MLN: variants seen among roughly 807,000 people sequenced by gnomAD.
MLN encodes motilin, also known as promotilin.
In MLN, 14 loss-of-function variants were observed where a neutral mutation model predicts 13.3. The observed-to-expected ratio is 1.05, with a 90% CI of 0.69 to 1.64. MLN has a LOEUF of 1.64. MLN is among the 40% of genes most tolerant of loss of function. The probability of loss-of-function intolerance (pLI) is 0.00; values close to 1 mark genes in which losing one functional copy is unlikely to be tolerated. For synonymous variants in MLN, 59 were observed against 54.7 expected (o/e 1.08, Z -0.34); for missense variants, 122 against 142.9 (o/e 0.85, Z 0.75).
intron 2 of MLN, 142 bp downstream of exon 2, chr6:33,800,905 T>G: frequency 1.5e-6 from 1 of 679,448 alleles, no homozygotes; most frequent in Non-Finnish European, 2.7e-6. Flanking sequence ...GTGATGCCAG[T>G]GAAGGCGTGA....
chr6:33,803,472 T>C lies in MLN; in HGVS notation c.-8+481A>G, dbSNP rs535632701. On this transcript the variant is annotated intron_variant, in intron 1 of 4. Coordinates refer to ENST00000430124, the MANE Select transcript of MLN (RefSeq NM_002418.3). This position sits in a 1 kb window ranked among gnomAD's most constrained non-coding sequence, Gnocchi z 4.5. ...ACAGGCATGTGCCACCTCGCATGGC[T>C]AATTTTTGTATTTTTAGTAGAGACA... Among the ~76,000 whole-genome samples the C allele has an allele frequency of 6.6e-6, 1 of 152,152 alleles. No homozygotes were observed. The highest frequency in any genetic ancestry group is 6.5e-5 in the Admixed American group (1 of 15,298).
Position 33,803,400 on chromosome 6 carries a change from C to T in MLN, c.-8+553G>A, listed in dbSNP as rs1485001707. ...TCGGCTCACTGCAACCTCTGCCTCC[C>T]AGGTTCAAGCGATTCTTCTGCCTCA... is the stretch of plus-strand genomic sequence containing the variant. On this transcript the variant is annotated intron_variant, in intron 1 of 4. Transcript: ENST00000430124. The surrounding 1 kb of genome is among the most constrained non-coding windows in gnomAD (Gnocchi z 4.5). Among the ~76,000 whole-genome samples the T allele has an allele frequency of 6.6e-6, 1 of 151,792 alleles. No individual in the cohort carries two copies. Among genetic ancestry groups the T allele is most frequent in the South Asian group, 2.1e-4 (1 of 4,794 alleles).
At chr6:33,798,073 G>T (rs1415464702) in intron 3 of MLN, among the ~76,000 whole-genome samples, 1 of 152,068 alleles carries the variant, frequency 6.6e-6, no homozygotes, top group Non-Finnish European at 1.5e-5. Context: ...CTCTCTTCTG[G>T]TCTTTGTGCT....
chr6:33,795,822 C>T (rs1222731191), intron 3 of MLN, among the ~76,000 whole-genome samples: 3 of 152,076 alleles, frequency 2.0e-5, no homozygotes, highest in Non-Finnish European at 4.4e-5. Context: ...GGGATCAATA[C>T]ACCTTCCATA....
At chr6:33,795,701 A>G in intron 3 of MLN, 96 bp from the exon 4 acceptor site, 7 of 1,005,456 alleles carry the variant, frequency 7.0e-6, no homozygotes, top group Non-Finnish European at 1.1e-5. Context: ...CTTGGGAGCC[A>G]CACCACCCTG....
In MLN at chr6:33,803,073, C is replaced by T. The variant is rs954048784; in HGVS notation, c.-8+880G>A. On this transcript the variant is annotated intron_variant, in intron 1 of 4. Coordinates refer to ENST00000430124, the MANE Select transcript of MLN (RefSeq NM_002418.3). The surrounding 1 kb of genome is among the most constrained non-coding windows in gnomAD (Gnocchi z 4.5). The stretch of plus-strand genomic sequence containing the variant: ...CAACTGGCAGTCGGCATGTCACCTA[C>T]GTTCATGTGTGTTCTGGTGAGCTGG... 2.0e-5 allele frequency among the ~76,000 whole-genome samples: 3 copies of T among 152,134 alleles called. No individual in the cohort carries two copies. The highest frequency in any genetic ancestry group is 2.9e-5 in the Non-Finnish European group (2 of 68,028).
intron 3 of MLN, among the ~76,000 whole-genome samples, chr6:33,796,054 G>C (rs1767912025): frequency 6.6e-6 from 1 of 151,200 alleles, no homozygotes; most frequent in Non-Finnish European, 1.5e-5. Context: ...CCGCCTCCCG[G>C]GTTCACGCCA....
chr6:33,797,064 G>A (rs372489325), intron 3 of MLN, among the ~76,000 whole-genome samples: 2 of 152,334 alleles, frequency 1.3e-5, no homozygotes, highest in East Asian at 3.9e-4. Flanking sequence ...CTCGCTGAGT[G>A]CAGAGTGCGG....
chr6:33,801,460 G>T (rs1422213400), intron 1 of MLN, among the ~76,000 whole-genome samples: 1 of 152,188 alleles, frequency 6.6e-6, no homozygotes, highest in Non-Finnish European at 1.5e-5. Context: ...CTTCTCTTTT[G>T]TTACAGGTAA....
rs1760907342 is a variant in MLN, at chr6:33,803,781, G to A, written c.-8+172C>T. Among the ~76,000 whole-genome samples the A allele has an allele frequency of 6.6e-6, 1 of 152,194 alleles. No individual in the cohort carries two copies. The highest frequency in any genetic ancestry group is 2.4e-5 in the African/African-American group (1 of 41,432). On this transcript the variant is annotated intron_variant, in intron 1 of 4. Transcript: ENST00000430124. The surrounding 1 kb of genome is among the most constrained non-coding windows in gnomAD (Gnocchi z 4.5). ...CCTCCAGCGTCTGTGCCTCAGCCCT[G>A]CCTCTGCTCACTGATGCCCTGGGAA...
chr6:33,796,241 G>A (rs1767921248), intron 3 of MLN, among the ~76,000 whole-genome samples: 1 of 152,234 alleles, frequency 6.6e-6, no homozygotes, highest in African/African-American at 2.4e-5. Flanking sequence ...GTGGGGTAGG[G>A]ATGGTTAGTG....
intron 2 of MLN, 35 bp downstream of exon 2, chr6:33,801,012 C>A: frequency 6.6e-7 from 1 of 1,520,732 alleles, no homozygotes; most frequent in Non-Finnish European, 9.1e-7. Flanking sequence ...GTGACCTCAG[C>A]CTTGCTAGCA....
chr6:33,801,632 C>T (rs943461), intron 1 of MLN, among the ~76,000 whole-genome samples: 1 of 152,126 alleles, frequency 6.6e-6, no homozygotes, highest in Admixed American at 6.5e-5. Context: ...CCCAGATGAC[C>T]AGGGCTCTGC....
intron 3 of MLN, among the ~76,000 whole-genome samples, chr6:33,796,641 G>A (rs1582273704): frequency 6.6e-6 from 1 of 152,310 alleles, no homozygotes; most frequent in African/African-American, 2.4e-5. Flanking sequence ...GGGCCTCCTA[G>A]ACGCTTGGGG....
Position 33,803,785 on chromosome 6 carries a change from C to T in MLN, c.-8+168G>A, listed in dbSNP as rs1202120656. Reference sequence around the variant, plus strand: ...CAGCGTCTGTGCCTCAGCCCTGCCTCTGCTCACTGATGCCCTGGGAATCAG... The same window carrying T: ...CAGCGTCTGTGCCTCAGCCCTGCCTTTGCTCACTGATGCCCTGGGAATCAG... On this transcript the variant is annotated intron_variant, in intron 1 of 4. Coordinates refer to ENST00000430124, the MANE Select transcript of MLN (RefSeq NM_002418.3). The surrounding 1 kb of genome is among the most constrained non-coding windows in gnomAD (Gnocchi z 4.5). Among the ~76,000 whole-genome samples, 1 of 152,244 alleles carries T rather than the reference C, an allele frequency of 6.6e-6. No individual in the cohort carries two copies. Among genetic ancestry groups the T allele is most frequent in the Non-Finnish European group, 1.5e-5 (1 of 68,044 alleles).
At chr6:33,800,980 G>T in intron 2 of MLN, 67 bp downstream of exon 2, 1 of 1,233,560 alleles carries the variant, frequency 8.1e-7, no homozygotes, top group Non-Finnish European at 1.2e-6. Context: ...CACTTTCCTT[G>T]GTATCACCGG....
rs1275777050 is a variant in MLN, at chr6:33,803,734, A to G, written c.-8+219T>C. Among the ~76,000 whole-genome samples, 1 of 152,180 alleles carries G rather than the reference A, an allele frequency of 6.6e-6. No individual in the cohort carries two copies. On this transcript the variant is annotated intron_variant, in intron 1 of 4. Transcript: ENST00000430124. The surrounding 1 kb of genome is among the most constrained non-coding windows in gnomAD (Gnocchi z 4.5). ...CACCCACAACAGCCTCTGCTTTGCC[A>G]GGAGTTGTACCCACCTGCTTGCCTC... is the stretch of plus-strand genomic sequence containing the variant.
intron 1 of MLN, among the ~76,000 whole-genome samples, chr6:33,801,496 TA>T (rs2127388870): frequency 6.6e-6 from 1 of 152,316 alleles, no homozygotes; most frequent in East Asian, 1.9e-4. Flanking sequence ...GCTGGACTCA[TA>T]AGGCAGGAGG....
At chr6:33,801,439 A>T (rs1190933915) in intron 1 of MLN, among the ~76,000 whole-genome samples, 1 of 152,184 alleles carries the variant, frequency 6.6e-6, no homozygotes, top group Non-Finnish European at 1.5e-5. Context: ...GAATCATTTC[A>T]CTTGTCCACC....
Sources: gnomAD v4.1 joint callset for allele counts (sites outside exome capture counted in the v4.1 genomes callset) on GRCh38, gnomAD v4.1.1 for gene constraint, Gnocchi (gnomAD v3.1) non-coding constraint, MANE v1.5 for transcripts, NCBI Gene and HGNC (gene_info 2026-07-23, HGNC 2026-07-21) for gene names.